The following SLC24A2 variants were observed in gnomAD, a reference collection of about 807,000 sequenced individuals.
The protein encoded by SLC24A2 is solute carrier family 24 member 2.
Under a neutral mutation model 62.0 loss-of-function variants are expected in SLC24A2, and 36 were observed. The observed-to-expected ratio is 0.58, with a 90% CI of 0.44 to 0.77. The LOEUF (loss-of-function observed/expected upper bound fraction) is 0.77, where lower values mean the gene tolerates loss of function less well. SLC24A2 is among the 30% of genes least tolerant of loss of function. The probability of loss-of-function intolerance (pLI) is 0.00; values close to 1 mark genes in which losing one functional copy is unlikely to be tolerated. For synonymous variants in SLC24A2, 358 were observed against 294.0 expected (o/e 1.22, Z -2.23); for missense variants, 846 against 817.9 (o/e 1.03, Z -0.42).
At chr9:20,031,288 C>T in the SLC24A2 span, among the ~76,000 whole-genome samples, 10 of 147,958 alleles carry the variant, frequency 6.8e-5, no homozygotes, top group African/African-American at 2.2e-4. Context: ...TATATATATA[C>T]ACATATATAA....
At chr9:20,206,373 C>T in the SLC24A2 span, among the ~76,000 whole-genome samples, 1 of 151,846 alleles carries the variant, frequency 6.6e-6, no homozygotes, top group Non-Finnish European at 1.5e-5. Context: ...TAGAGACTTG[C>T]AAAAATGTAA....
chr9:20,087,344 A>T, the SLC24A2 span, among the ~76,000 whole-genome samples: 29 of 152,324 alleles, frequency 1.9e-4, no homozygotes, highest in African/African-American at 6.3e-4. Flanking sequence ...ATAAGAATAG[A>T]TATTAACAAT....
Position 19,514,053 on chromosome 9 carries a change from C to A in SLC24A2, c.*2100G>T, listed in dbSNP as rs1832836341. ...TGCCGAGTTGGAGAGACTTGAAAGC[C>A]AGCCTCCGACTGGCAGCCATCTTGA... is the stretch of plus-strand genomic sequence containing the variant. On this transcript the variant is annotated 3_prime_UTR_variant, in exon 11 of 11. Coordinates refer to ENST00000341998, the MANE Select transcript of SLC24A2 (RefSeq NM_020344.4). 6.6e-6 allele frequency: 1 copy of A among 152,206 alleles called. No homozygotes were observed. Among genetic ancestry groups the A allele is most frequent in the South Asian group, 2.1e-4 (1 of 4,826 alleles). 9.4% of individuals were successfully genotyped at this position (152,206 alleles called of 1,614,324 possible).
At chr9:20,161,723 T>G in the SLC24A2 span, among the ~76,000 whole-genome samples, 1 of 150,222 alleles carries the variant, frequency 6.7e-6, no homozygotes, top group Non-Finnish European at 1.5e-5. Flanking sequence ...GTTTGGATAT[T>G]TAATTTGATT....
At chr9:19,629,488 T>C (rs1818122531) in intron 2 of SLC24A2, among the ~76,000 whole-genome samples, 1 of 152,180 alleles carries the variant, frequency 6.6e-6, no homozygotes, top group South Asian at 2.1e-4. Flanking sequence ...TCCAGCATCA[T>C]TACTTAGAAT....
At chr9:20,247,290 A>G in the SLC24A2 span, among the ~76,000 whole-genome samples, 1 of 152,126 alleles carries the variant, frequency 6.6e-6, no homozygotes, top group African/African-American at 2.4e-5. Context: ...TCCTTACGTA[A>G]GCATCAGCAG....
At chr9:19,718,008 G>C (rs1296925171) in intron 2 of SLC24A2, among the ~76,000 whole-genome samples, 5 of 141,062 alleles carry the variant, frequency 3.5e-5, no homozygotes, top group African/African-American at 1.3e-4. Context: ...ACGGAGTCTC[G>C]CTCTGTCGCC....
chr9:20,178,053 G>C, the SLC24A2 span, among the ~76,000 whole-genome samples: 1 of 152,098 alleles, frequency 6.6e-6, no homozygotes, highest in African/African-American at 2.4e-5. Flanking sequence ...TACAGCATCT[G>C]CTATTAACTA....
intron 5 of SLC24A2, among the ~76,000 whole-genome samples, chr9:19,577,683 G>A (rs1836064803): frequency 6.6e-6 from 1 of 152,068 alleles, no homozygotes; most frequent in African/African-American, 2.4e-5. Context: ...GATCAACTGA[G>A]TGCAGCAAGT....
the SLC24A2 span, among the ~76,000 whole-genome samples, chr9:20,256,429 C>G: frequency 6.6e-6 from 1 of 152,174 alleles, no homozygotes. Context: ...ACAGTCCTGC[C>G]AAGACTTTGC....
chr9:19,516,545 G>A (rs567237339), intron 10 of SLC24A2, 143 bp from the exon 11 acceptor site: 57 of 1,026,600 alleles, frequency 5.6e-5, no homozygotes, highest in South Asian at 8.0e-5. Context: ...ACTATGACTC[G>A]GGCATGGTTG....
At chr9:19,748,229 T>C (rs943177620) in intron 2 of SLC24A2, among the ~76,000 whole-genome samples, 2 of 152,190 alleles carry the variant, frequency 1.3e-5, no homozygotes, top group African/African-American at 2.4e-5. Flanking sequence ...AAAGATACTA[T>C]GCAGGAGAGC....
At chr9:20,093,278 G>C in the SLC24A2 span, among the ~76,000 whole-genome samples, 1 of 151,930 alleles carries the variant, frequency 6.6e-6, no homozygotes, top group African/African-American at 2.4e-5. Context: ...CTCCATGTCA[G>C]TCAGGCTGGT....
the SLC24A2 span, among the ~76,000 whole-genome samples, chr9:20,020,734 T>C: frequency 1.3e-5 from 2 of 152,014 alleles, no homozygotes; most frequent in Non-Finnish European, 2.9e-5. Context: ...TAAATAAACA[T>C]AAAAAAGAAA....
At chr9:19,533,756 G>A (rs1193877768) in intron 8 of SLC24A2, among the ~76,000 whole-genome samples, 2 of 152,178 alleles carry the variant, frequency 1.3e-5, no homozygotes, top group African/African-American at 4.8e-5. Context: ...GCTAAAAAAT[G>A]TCTTGTATTA....
the SLC24A2 span, among the ~76,000 whole-genome samples, chr9:20,056,846 A>G: frequency 5.9e-5 from 9 of 152,218 alleles, no homozygotes; most frequent in Non-Finnish European, 1.0e-4. Flanking sequence ...CTCTTGAATG[A>G]CACTAATGAA....
the SLC24A2 span, among the ~76,000 whole-genome samples, chr9:20,064,087 T>G: frequency 1.3e-5 from 2 of 152,162 alleles, no homozygotes; most frequent in African/African-American, 4.8e-5. Flanking sequence ...TCTAACAATC[T>G]GATAAATGAA....
rs1207637077 is a variant in SLC24A2, at chr9:19,708,740, T to C, written c.930+77197A>G. 4.6e-5 allele frequency among the ~76,000 whole-genome samples: 7 copies of C among 152,286 alleles called. No individual in the cohort carries two copies. The East Asian group carries it at 1.3e-3, about 29-fold the overall frequency. On this transcript the variant is annotated intron_variant, in intron 2 of 10. Coordinates refer to ENST00000341998, the MANE Select transcript of SLC24A2 (RefSeq NM_020344.4). ...GAAACTGGATCCCTTCCTTACATCTTATACAAAAATTAATTCAAGATGGAT... is the reference window on the plus strand; with the variant it reads ...GAAACTGGATCCCTTCCTTACATCTCATACAAAAATTAATTCAAGATGGAT...
chr9:20,228,054 T>G, the SLC24A2 span, among the ~76,000 whole-genome samples: 3 of 152,270 alleles, frequency 2.0e-5, no homozygotes, highest in Non-Finnish European at 4.4e-5. Flanking sequence ...ACAGGTTCTA[T>G]TTTTCCGCAA....
Sources: allele counts gnomAD v4.1 joint callset (sites outside exome capture counted in the v4.1 genomes callset), GRCh38; gene constraint gnomAD v4.1.1; transcripts MANE v1.5; gene names NCBI Gene and HGNC (gene_info 2026-07-23, HGNC 2026-07-21).